CFAP20DC: variants seen among roughly 807,000 people sequenced by gnomAD.
CFAP20DC encodes protein CFAP20DC.
In CFAP20DC, 84 loss-of-function variants were observed where a neutral mutation model predicts 101.7. The observed-to-expected ratio is 0.83, with a 90% confidence interval of 0.69 to 0.99. The LOEUF (loss-of-function observed/expected upper bound fraction) is 0.99. CFAP20DC is among the 50% of genes least tolerant of loss of function. CFAP20DC has a pLI of 0.00. For synonymous variants in CFAP20DC, 359 were observed against 351.2 expected (o/e 1.02, Z -0.25); for missense variants, 1,007 against 970.3 (o/e 1.04, Z -0.50).
chr3:58,916,113 A>AT (rs2084681431), intron 5 of CFAP20DC, among the ~76,000 whole-genome samples: 2 of 152,088 alleles, frequency 1.3e-5, no homozygotes, highest in African/African-American at 4.8e-5. Flanking sequence ...CTTTAAAAAC[A>AT]TTTTTGCAGT....
At chr3:58,819,733 T>C (rs1353051094) in intron 14 of CFAP20DC, among the ~76,000 whole-genome samples, 55 of 144,506 alleles carry the variant, frequency 3.8e-4, no homozygotes, top group Middle Eastern at 3.6e-3. Flanking sequence ...ACGGGTACCA[T>C]TCCTTCTGAA....
intron 4 of CFAP20DC, among the ~76,000 whole-genome samples, chr3:58,954,903 T>C (rs2108112083): frequency 6.6e-6 from 1 of 152,238 alleles, no homozygotes; most frequent in East Asian, 1.9e-4. Flanking sequence ...GATTCCCTTT[T>C]TAAAAACAGC....
downstream of CFAP20DC, among the ~76,000 whole-genome samples, chr3:58,716,213 C>A (rs1451007302): frequency 7.9e-6 from 1 of 126,112 alleles, no homozygotes; most frequent in African/African-American, 3.1e-5. Context: ...GGACTGCGGA[C>A]TGCAGTGGCG....
At chr3:58,832,882 T>C (rs1170596857) in intron 13 of CFAP20DC, among the ~76,000 whole-genome samples, 1 of 152,178 alleles carries the variant, frequency 6.6e-6, no homozygotes, top group Non-Finnish European at 1.5e-5. Context: ...GAATCACATA[T>C]GAGCAGTGTG....
At chr3:58,932,392 G>A (rs998179488) in intron 5 of CFAP20DC, among the ~76,000 whole-genome samples, 7 of 152,014 alleles carry the variant, frequency 4.6e-5, no homozygotes, top group Non-Finnish European at 8.8e-5. Flanking sequence ...AGCAAGGCAG[G>A]CCAACATTCA....
chr3:58,908,121 T>A (rs1295249685), intron 6 of CFAP20DC, among the ~76,000 whole-genome samples: 1 of 152,188 alleles, frequency 6.6e-6, no homozygotes, highest in Non-Finnish European at 1.5e-5. Context: ...AAATCACTGT[T>A]ACCCTTTCAC....
chr3:58,785,796 A>G (rs375246753), intron 15 of CFAP20DC, among the ~76,000 whole-genome samples: 17 of 152,258 alleles, frequency 1.1e-4, no homozygotes, highest in African/African-American at 3.4e-4. Context: ...AAGCAAACAC[A>G]GGAAAAACTC....
chr3:58,767,293 A>AGTATACATGTATACTTGTATACCATG (rs2070409063), intron 15 of CFAP20DC, among the ~76,000 whole-genome samples: 2 of 152,144 alleles, frequency 1.3e-5, no homozygotes, highest in Non-Finnish European at 2.9e-5. Flanking sequence ...CATGTATTCA[A>AGTATACATGTATACTTGTATACCATG]TATACACACA....
At chr3:58,784,858 A>G (rs2072176488) in intron 15 of CFAP20DC, among the ~76,000 whole-genome samples, 1 of 152,130 alleles carries the variant, frequency 6.6e-6, no homozygotes, top group South Asian at 2.1e-4. Context: ...GCCACTATGG[A>G]AAACAGTATG....
At chr3:58,777,184 T>G (rs13315683) in intron 15 of CFAP20DC, among the ~76,000 whole-genome samples, 14,460 of 152,240 alleles carry the variant, frequency 0.095, 1,160 homozygotes, top group East Asian at 0.35. Flanking sequence ...CTTTGGAAAG[T>G]TTAATCAGAA....
At position 58,897,328 on chromosome 3, in the gene CFAP20DC, G is replaced by T. The variant is rs967686693; in HGVS notation, c.551-12619C>A. On this transcript the variant is annotated intron_variant, in intron 6 of 16. Coordinates refer to ENST00000482387, the MANE Select transcript of CFAP20DC (RefSeq NM_001394063.1). This position sits in a 1 kb window ranked among gnomAD's most constrained non-coding sequence, Gnocchi z 4.4. ...TGAATCTTGGCTCATTATCCAGCTTGCCATTGTGTCTTTTAATGGGGACAC... is the reference window on the plus strand; with the variant it reads ...TGAATCTTGGCTCATTATCCAGCTTTCCATTGTGTCTTTTAATGGGGACAC... Among the ~76,000 whole-genome samples, 3 of 152,156 alleles carry T rather than the reference G, an allele frequency of 2.0e-5. No homozygotes were observed. The highest frequency in any genetic ancestry group is 4.4e-5 in the Non-Finnish European group (3 of 68,024).
intron 3 of CFAP20DC, among the ~76,000 whole-genome samples, chr3:58,720,159 T>G (rs1047937408): frequency 1.2e-4 from 18 of 152,204 alleles, no homozygotes; most frequent in African/African-American, 4.1e-4. Flanking sequence ...GTCCACGTGT[T>G]TATTGGATTC....
chr3:58,945,835 T>C (rs1226760858), intron 4 of CFAP20DC, among the ~76,000 whole-genome samples: 1 of 151,690 alleles, frequency 6.6e-6, no homozygotes. Flanking sequence ...TAACTAGGAC[T>C]ACAGGCGCAC....
intron 4 of CFAP20DC, among the ~76,000 whole-genome samples, chr3:58,960,310 T>C (rs1317597243): frequency 2.0e-5 from 3 of 150,568 alleles, no homozygotes; most frequent in Non-Finnish European, 1.5e-5. Flanking sequence ...CTGACCAACA[T>C]GGAGAAACCC....
At chr3:58,945,458 TA>T (rs151190813) in intron 4 of CFAP20DC, among the ~76,000 whole-genome samples, 1 of 151,918 alleles carries the variant, frequency 6.6e-6, no homozygotes, top group Non-Finnish European at 1.5e-5. Context: ...TTTTGATAGG[TA>T]AAAAAAAGCT....
At chr3:58,862,582 A>G in intron 12 of CFAP20DC, 1 of 985,450 alleles carries the variant, frequency 1.0e-6, no homozygotes, top group African/African-American at 1.7e-5. Context: ...TACTGCTTAA[A>G]CAATCCCACT....
intron 14 of CFAP20DC, among the ~76,000 whole-genome samples, chr3:58,826,989 C>T (rs569517260): frequency 2.0e-5 from 3 of 152,034 alleles, no homozygotes; most frequent in Non-Finnish European, 2.9e-5. Context: ...AGTCAGAGTA[C>T]AGAGAATTTT....
At chr3:58,832,670 A>G (rs1034212956) in intron 13 of CFAP20DC, among the ~76,000 whole-genome samples, 10 of 152,160 alleles carry the variant, frequency 6.6e-5, no homozygotes, top group African/African-American at 2.4e-4. Flanking sequence ...AGCTCCAACC[A>G]AGGTGGATTT....
chr3:58,822,340 A>AAAC (rs1209708289), intron 14 of CFAP20DC, among the ~76,000 whole-genome samples: 43 of 105,776 alleles, frequency 4.1e-4, no homozygotes, highest in South Asian at 4.0e-3. Flanking sequence ...AACAAACAAA[A>AAAC]AAAACCAAAC....
Sources: gnomAD v4.1 joint callset for allele counts (sites outside exome capture counted in the v4.1 genomes callset) on GRCh38, gnomAD v4.1.1 for gene constraint, Gnocchi (gnomAD v3.1) non-coding constraint, MANE v1.5 for transcripts, NCBI Gene and HGNC (gene_info 2026-07-23, HGNC 2026-07-21) for gene names.